Variants in DHX35 observed in about 807,000 individuals in gnomAD.
DHX35 encodes DEAH-box helicase 35, also known as probable ATP-dependent RNA helicase DHX35.
Under a neutral mutation model 99.6 loss-of-function variants are expected in DHX35, and 84 were observed. The observed-to-expected ratio is 0.84, with a 90% confidence interval of 0.71 to 1.01. The LOEUF is 1.01. DHX35 is among the 50% of genes least tolerant of loss of function. The pLI, the probability that DHX35 is intolerant of heterozygous loss-of-function variation, is 0.00. For missense variants in DHX35, 852 were observed against 888.5 expected, an observed-to-expected ratio of 0.96 and a Z score of 0.52; for synonymous variants, 331 against 316.2, an observed-to-expected ratio of 1.05 and a Z score of -0.50.
At chr20:39,022,355 C>T (rs1253601845) in intron 16 of DHX35, among the ~76,000 whole-genome samples, 1 of 152,128 alleles carries the variant, frequency 6.6e-6, no homozygotes, top group Non-Finnish European at 1.5e-5. Context: ...GATGGGGTTT[C>T]ACCATATTGG....
intron 20 of DHX35, among the ~76,000 whole-genome samples, chr20:39,031,023 C>T (rs936517676): frequency 6.6e-5 from 10 of 151,970 alleles, no homozygotes; most frequent in African/African-American, 1.4e-4. Flanking sequence ...ATTAGCCAGG[C>T]GTGATGGGCA....
At chr20:38,982,139 T>G (rs1177129958) in intron 3 of DHX35, among the ~76,000 whole-genome samples, 1 of 152,020 alleles carries the variant, frequency 6.6e-6, no homozygotes, top group African/African-American at 2.4e-5. Flanking sequence ...ATGCAAATGC[T>G]TCTGATTCCA....
At chr20:39,001,972 T>C (rs1213295456) in intron 9 of DHX35, 130 bp downstream of exon 9, 1 of 771,358 alleles carries the variant, frequency 1.3e-6, no homozygotes, top group Admixed American at 2.2e-5. Context: ...TAGTCATTGG[T>C]CTAGAATGTT....
intron 1 of DHX35, among the ~76,000 whole-genome samples, chr20:38,963,441 A>G (rs2085865701): frequency 6.6e-6 from 1 of 152,252 alleles, no homozygotes; most frequent in South Asian, 2.1e-4. Flanking sequence ...AGCAAGAGAT[A>G]TGTTTAATGC....
At chr20:38,985,987 T>C (rs754581387) in intron 4 of DHX35, among the ~76,000 whole-genome samples, 12 of 152,238 alleles carry the variant, frequency 7.9e-5, no homozygotes, top group Non-Finnish European at 1.8e-4. Context: ...TGAACTCATG[T>C]GGTCTGGGTT....
At chr20:39,014,991 G>C (rs950620174) in intron 14 of DHX35, 57 bp downstream of exon 14, 2 of 1,596,734 alleles carry the variant, frequency 1.3e-6, no homozygotes, top group Admixed American at 1.7e-5. Context: ...TGTGATATTA[G>C]TGAGGTCATA....
At chr20:39,031,748 A>T (rs147505140) in intron 20 of DHX35, among the ~76,000 whole-genome samples, 3 of 152,326 alleles carry the variant, frequency 2.0e-5, no homozygotes, top group Non-Finnish European at 4.4e-5. Context: ...TGCCAGTGAG[A>T]GTCAGGGCAG....
chr20:38,982,376 T>G (rs1279592015), intron 3 of DHX35, among the ~76,000 whole-genome samples: 2 of 152,256 alleles, frequency 1.3e-5, no homozygotes, highest in Non-Finnish European at 2.9e-5. Flanking sequence ...TATTTTTCCA[T>G]CATTCCTTAG....
At chr20:38,999,540 C>T (rs1407677397) in intron 8 of DHX35, among the ~76,000 whole-genome samples, 1 of 152,208 alleles carries the variant, frequency 6.6e-6, no homozygotes, top group African/African-American at 2.4e-5. Flanking sequence ...TGATCATAGT[C>T]ATTTAGGCCA....
chr20:39,008,266 T>C (rs909529687), intron 12 of DHX35, among the ~76,000 whole-genome samples: 4 of 152,260 alleles, frequency 2.6e-5, no homozygotes, highest in Non-Finnish European at 5.9e-5. Flanking sequence ...AACCACACTT[T>C]GTTTATTCAT....
chr20:38,999,583 C>T (rs73908227), intron 8 of DHX35, among the ~76,000 whole-genome samples: 37 of 152,274 alleles, frequency 2.4e-4, no homozygotes, highest in Non-Finnish European at 4.7e-4. Context: ...TTTTTATCCC[C>T]GGTCGAGTAA....
chr20:39,014,986 T>C, intron 14 of DHX35, 52 bp downstream of exon 14: 1 of 1,603,072 alleles, frequency 6.2e-7, no homozygotes, highest in Non-Finnish European at 8.5e-7. Context: ...TCTTTTGTGA[T>C]ATTAGTGAGG....
At position 39,003,772 on chromosome 20, in the gene DHX35, G is replaced by A. The variant is rs777743913; in HGVS notation, c.876G>A (p.Ser292=). ...AGGAAGAGGTAGAAACTGTTGTGTC[G>A]ATGCTCATCGAGCAGGCTCGAGCAC... ...TGQEEVETVV[S]MLIEQARALA... Residue 292 remains serine, a synonymous_variant, in exon 11 of 22, where the codon TCG becomes TCA. Transcript: ENST00000252011. The A allele has an allele frequency of 1.1e-5, 18 of 1,613,842 alleles. No homozygotes were observed. The South Asian group carries it at 1.6e-4, about 15-fold the overall frequency.
In DHX35 at chr20:39,019,102, G is replaced by A. The variant is rs187602828; in HGVS notation, c.1498+203G>A. On this transcript the variant is annotated intron_variant, in intron 15 of 21. Transcript: ENST00000252011. ...CGTTCACATTGTTGTGCAACCATCA[G>A]CACCATCCATTTCTAGAACTTTTTC... 5.3e-5 allele frequency among the ~76,000 whole-genome samples: 8 copies of A among 152,242 alleles called. No individual in the cohort carries two copies. In the East Asian group the frequency reaches 1.5e-3, roughly 29 times the overall value.
At chr20:39,017,392 C>T (rs111455962) in intron 14 of DHX35, among the ~76,000 whole-genome samples, 1,766 of 152,150 alleles carry the variant, frequency 0.012, 18 homozygotes, top group Middle Eastern at 0.068. Context: ...AATGGGAACT[C>T]GAAAGCACAT....
chr20:39,019,710 T>C (rs535836400), intron 15 of DHX35, among the ~76,000 whole-genome samples: 1 of 152,360 alleles, frequency 6.6e-6, no homozygotes, highest in East Asian at 1.9e-4. Flanking sequence ...TTTTTTGTGC[T>C]AAGAATTTGT....
intron 16 of DHX35, 152 bp from the exon 17 acceptor site, chr20:39,023,538 A>G (rs1487677717): frequency 3.3e-6 from 2 of 613,996 alleles, no homozygotes; most frequent in Non-Finnish European, 5.8e-6. Flanking sequence ...GCTTTTGTAG[A>G]CATGGGGTTT....
intron 6 of DHX35, among the ~76,000 whole-genome samples, 170 bp from the exon 7 acceptor site, chr20:38,992,186 G>GT (rs1370854125): frequency 6.6e-6 from 1 of 152,184 alleles, no homozygotes; most frequent in African/African-American, 2.4e-5. Context: ...TAATGTCACC[G>GT]TTTTTATTAA....
At chr20:38,976,831 C>G (rs138110589) in intron 3 of DHX35, among the ~76,000 whole-genome samples, 2 of 152,100 alleles carry the variant, frequency 1.3e-5, no homozygotes, top group South Asian at 2.1e-4. Flanking sequence ...TTTTAGATTC[C>G]ACATGTGAGT....
Sources: gnomAD v4.1 joint callset for allele counts (sites outside exome capture counted in the v4.1 genomes callset) on GRCh38, gnomAD v4.1.1 for gene constraint, MANE v1.5 for transcripts, NCBI Gene and HGNC (gene_info 2026-07-23, HGNC 2026-07-21) for gene names.